TANGO2: variants seen among roughly 807,000 people sequenced by gnomAD.
The protein encoded by TANGO2 is transport and golgi organization 2 homolog.
Under a neutral mutation model 39.1 loss-of-function variants are expected in TANGO2, and 26 were observed. That is an observed-to-expected ratio of 0.67 (90% CI 0.49 to 0.92). The LOEUF is 0.92. Among genes scored for constraint, TANGO2 ranks in the 40% least tolerant of loss-of-function variants. The pLI, the probability that TANGO2 is intolerant of heterozygous loss-of-function variation, is 0.00. For synonymous variants in TANGO2, 131 were observed against 144.5 expected (o/e 0.91, Z 0.67); for missense variants, 326 against 360.1 (o/e 0.91, Z 0.77).
At chr22:20,024,419 G>A (rs936871837) in intron 1 of TANGO2, among the ~76,000 whole-genome samples, 13 of 152,168 alleles carry the variant, frequency 8.5e-5, no homozygotes, top group Admixed American at 1.3e-4. Flanking sequence ...GACAGCCACC[G>A]GGAGCCCGCG....
intron 6 of TANGO2, chr22:20,056,713 G>A (rs2147664417): frequency 2.2e-6 from 1 of 456,618 alleles, no homozygotes; most frequent in East Asian, 7.0e-5. Context: ...CTTGTCCCAG[G>A]TCTGGTGCCA....
rs888395048 is a variant in TANGO2, at chr22:20,039,326, C to G, written c.56+2472C>G. 3.6e-4 allele frequency among the ~76,000 whole-genome samples: 55 copies of G among 152,012 alleles called. No individual in the cohort carries two copies. In the Middle Eastern group the frequency reaches 0.01, roughly 28 times the overall value. Reference sequence around the variant, plus strand: ...ATCACTTCATGATGTCACCCTATCTCTTTCAAAACTGCCTGTTTACAGCCG... The same window carrying G: ...ATCACTTCATGATGTCACCCTATCTGTTTCAAAACTGCCTGTTTACAGCCG... On this transcript the variant is annotated intron_variant, in intron 2 of 8. Coordinates refer to ENST00000327374, the MANE Select transcript of TANGO2 (RefSeq NM_152906.7).
chr22:20,056,643 T>C (rs553709315), intron 6 of TANGO2: 108 of 456,702 alleles, frequency 2.4e-4, no homozygotes, highest in African/African-American at 2.0e-3. Flanking sequence ...TGCCCCAACC[T>C]GGAGAGAATG....
chr22:20,050,920 C>T (rs1223134257), intron 3 of TANGO2, among the ~76,000 whole-genome samples: 9 of 147,874 alleles, frequency 6.1e-5, no homozygotes, highest in South Asian at 2.2e-4. Flanking sequence ...CTCCACCTCC[C>T]GGGTTCAAGC....
At position 20,064,578 on chromosome 22, in the gene TANGO2, C is replaced by T. The variant is rs777653731; in HGVS notation, c.747C>T (p.His249=). 1.9e-5 allele frequency: 30 copies of T among 1,614,042 alleles called. No homozygotes were observed. Among genetic ancestry groups the T allele is most frequent in the East Asian group, 2.2e-5 (1 of 44,898 alleles). ...TCATCCTGGTAGATGCGGACGGCCA[C>T]GTGACCTTCACTGAGCGTAGCATGA... The part of the protein sequence containing the change: ...NTIILVDADG[H]VTFTERSMMD... Residue 249 remains histidine (H), a synonymous_variant, in exon 9 of 9, where the codon CAC becomes CAT. Coordinates refer to ENST00000327374, the MANE Select transcript of TANGO2 (RefSeq NM_152906.7).
intron 3 of TANGO2, among the ~76,000 whole-genome samples, chr22:20,044,769 G>A (rs950200239): frequency 2.0e-5 from 3 of 152,202 alleles, no homozygotes; most frequent in Non-Finnish European, 4.4e-5. Flanking sequence ...CAAGACTGAT[G>A]TCCTTGGAAG....
chr22:20,018,360 G>T (rs1056931641), upstream of TANGO2, among the ~76,000 whole-genome samples: 1 of 152,234 alleles, frequency 6.6e-6, no homozygotes, highest in African/African-American at 2.4e-5. Context: ...CAGCACCATG[G>T]TGACATTCTG....
At chr22:20,048,937 G>T (rs988973991) in intron 3 of TANGO2, among the ~76,000 whole-genome samples, 4 of 152,136 alleles carry the variant, frequency 2.6e-5, no homozygotes, top group African/African-American at 7.2e-5. Flanking sequence ...GAGCCACTGC[G>T]CCCGGCCAGA....
At chr22:20,063,516 C>A in intron 8 of TANGO2, 74 bp downstream of exon 8, 1 of 1,326,344 alleles carries the variant, frequency 7.5e-7, no homozygotes, top group Non-Finnish European at 1.0e-6. Flanking sequence ...GGCAAAGAAG[C>A]CAAGTGCCCA....
intron 3 of TANGO2, among the ~76,000 whole-genome samples, chr22:20,045,059 G>A (rs371197): frequency 0.061 from 9,253 of 152,198 alleles, 323 homozygotes; most frequent in South Asian, 0.1. Flanking sequence ...TGGCGTCACC[G>A]GATTGTATGC....
At chr22:20,027,199 A>G (rs1301734509) in intron 1 of TANGO2, among the ~76,000 whole-genome samples, 3 of 152,192 alleles carry the variant, frequency 2.0e-5, no homozygotes, top group Admixed American at 6.5e-5. Flanking sequence ...CTATCACTGT[A>G]CAGCACCGGG....
chr22:20,057,075 T>C lies in TANGO2; in HGVS notation c.451+1062T>C, dbSNP rs1200365785. The C allele has an allele frequency of 4.8e-6, 2 of 418,486 alleles. No individual in the cohort carries two copies. The highest frequency in any genetic ancestry group is 9.7e-6 in the Non-Finnish European group (2 of 207,176). 25.9% of individuals were successfully genotyped at this position (418,486 alleles called of 1,614,324 possible). ...TTTGGCACAAATCACCAAGTGAGGTTGCAGGTCACAGGTGCACACCTTCCC... is the reference window on the plus strand; with the variant it reads ...TTTGGCACAAATCACCAAGTGAGGTCGCAGGTCACAGGTGCACACCTTCCC... On this transcript the variant is annotated intron_variant, in intron 6 of 8. Transcript: ENST00000327374. This position sits in a 1 kb window ranked among gnomAD's most constrained non-coding sequence, Gnocchi z 4.1.
chr22:20,017,778 G>A (rs1002175596), upstream of TANGO2, among the ~76,000 whole-genome samples: 12 of 152,152 alleles, frequency 7.9e-5, no homozygotes, highest in African/African-American at 2.4e-4. Context: ...ATGACCCTCC[G>A]CCAGCTCTGC....
intron 3 of TANGO2, among the ~76,000 whole-genome samples, chr22:20,048,821 AT>A (rs1183714782): frequency 6.6e-6 from 1 of 151,880 alleles, no homozygotes; most frequent in African/African-American, 2.4e-5. Context: ...TAATTTTTGT[AT>A]TTTTAGTAGA....
chr22:20,061,897 A>T, intron 7 of TANGO2: 2 of 574,178 alleles, frequency 3.5e-6, no homozygotes, highest in Admixed American at 3.5e-5. Context: ...AGATGGGCCC[A>T]GGCCCAGGCC....
At chr22:20,028,689 G>A (rs940873927) in intron 1 of TANGO2, among the ~76,000 whole-genome samples, 2 of 152,250 alleles carry the variant, frequency 1.3e-5, no homozygotes, top group Non-Finnish European at 2.9e-5. Flanking sequence ...ACGGTCAGAT[G>A]CCTGATGCCT....
At chr22:20,034,453 A>G (rs543740041) in intron 1 of TANGO2, among the ~76,000 whole-genome samples, 71 of 152,312 alleles carry the variant, frequency 4.7e-4, no homozygotes, top group Non-Finnish European at 8.2e-4. Flanking sequence ...TTTGAAGTAT[A>G]GGATGAAGGT....
rs1410891024 is a variant in TANGO2, at chr22:20,055,953, G to A, written c.391G>A (p.Gly131Arg). 3.2e-5 allele frequency: 51 copies of A among 1,613,896 alleles called. No homozygotes were observed. In the East Asian group the frequency reaches 1.1e-3, roughly 35 times the overall value. ...CCCCTTGGCCTGCAGCACAGCAAAG[G>A]GAGACGTCATTTGCTACTATGGGAA... ...LIAADLSTAKGDVICYYGNRG... is the reference protein window; with the variant it reads ...LIAADLSTAKRDVICYYGNRG... The change falls in exon 6 of 9, where the codon GGA becomes AGA. Residue 131 changes from glycine (G) to arginine (R), a missense_variant. Coordinates refer to ENST00000327374, the MANE Select transcript of TANGO2 (RefSeq NM_152906.7).
chr22:20,032,076 G>A (rs1032086301), intron 1 of TANGO2, among the ~76,000 whole-genome samples: 1 of 152,250 alleles, frequency 6.6e-6, no homozygotes, highest in East Asian at 1.9e-4. Flanking sequence ...AGAGCACACA[G>A]CACAGGGAGG....
Sources: allele counts gnomAD v4.1 joint callset (sites outside exome capture counted in the v4.1 genomes callset), GRCh38; gene constraint gnomAD v4.1.1; non-coding constraint Gnocchi (gnomAD v3.1); transcripts MANE v1.5; gene names NCBI Gene and HGNC (gene_info 2026-07-23, HGNC 2026-07-21).